Variants in ATP6V1E2 observed in about 807,000 individuals in gnomAD.
The protein encoded by ATP6V1E2 is V-type proton ATPase subunit E 2.
For missense variants in ATP6V1E2, 308 were observed against 273.3 expected, an observed-to-expected ratio of 1.13 and a Z score of -0.90; for synonymous variants, 121 against 104.2, an observed-to-expected ratio of 1.16 and a Z score of -0.98.
At chr2:46,524,854 C>G (rs1252965088) in intron 4 of ATP6V1E2, among the ~76,000 whole-genome samples, 1 of 152,102 alleles carries the variant, frequency 6.6e-6, no homozygotes, top group Non-Finnish European at 1.5e-5. Context: ...TAGAAAGACA[C>G]TGGGGTGTGA....
intron 4 of ATP6V1E2, among the ~76,000 whole-genome samples, chr2:46,515,370 A>G (rs1359224145): frequency 6.6e-6 from 1 of 152,212 alleles, no homozygotes; most frequent in East Asian, 1.9e-4. Flanking sequence ...GACATAAATA[A>G]CAATGTTGGG....
intron 4 of ATP6V1E2, among the ~76,000 whole-genome samples, chr2:46,513,361 C>T (rs1030674802): frequency 5.3e-5 from 8 of 152,164 alleles, no homozygotes; most frequent in Non-Finnish European, 1.2e-4. Flanking sequence ...AAAGAATGTT[C>T]CATGTGCACT....
At chr2:46,513,021 AAAT>A (rs1387631432) in intron 4 of ATP6V1E2, among the ~76,000 whole-genome samples, 1 of 152,346 alleles carries the variant, frequency 6.6e-6, no homozygotes, top group South Asian at 2.1e-4. Flanking sequence ...CATTGTTATC[AAAT>A]AATAATGAGG....
intron 2 of ATP6V1E2, among the ~76,000 whole-genome samples, chr2:46,538,545 T>C (rs1667562215): frequency 6.6e-6 from 1 of 151,810 alleles, no homozygotes; most frequent in Non-Finnish European, 1.5e-5. Context: ...CAGAGAACAG[T>C]TGTGCAACAG....
intron 2 of ATP6V1E2, among the ~76,000 whole-genome samples, chr2:46,538,338 AAG>A (rs1273396232): frequency 6.6e-6 from 1 of 152,206 alleles, no homozygotes; most frequent in Non-Finnish European, 1.5e-5. Context: ...ATTAGCTTTG[AAG>A]AGAGATGATT....
intron 4 of ATP6V1E2, among the ~76,000 whole-genome samples, chr2:46,522,561 G>T (rs1420925941): frequency 6.6e-6 from 1 of 152,156 alleles, no homozygotes; most frequent in African/African-American, 2.4e-5. Flanking sequence ...CCCCTGTAAA[G>T]GATATGATCT....
At chr2:46,531,210 G>A (rs1034815675) in intron 4 of ATP6V1E2, among the ~76,000 whole-genome samples, 1 of 152,128 alleles carries the variant, frequency 6.6e-6, no homozygotes, top group African/African-American at 2.4e-5. Context: ...CCAGCCCATA[G>A]CAACCACCAA....
In ATP6V1E2 at chr2:46,535,299, C is replaced by T. The variant is rs1667391109; in HGVS notation, c.-102+514G>A. On this transcript the variant is annotated intron_variant, in intron 4 of 4. Coordinates refer to ENST00000522587, the MANE Select transcript of ATP6V1E2 (RefSeq NM_001318063.2). This position sits in a 1 kb window ranked among gnomAD's most constrained non-coding sequence, Gnocchi z 4.4. ...TTGGGTATGGTAGAGGTGGAAATCT[C>T]TACTCCCTCTACATGAAGCACATTA... 1 of 152,176 alleles carries T rather than the reference C, an allele frequency of 6.6e-6. No individual in the cohort carries two copies. The highest frequency in any genetic ancestry group is 2.1e-4 in the South Asian group (1 of 4,834). The allele number at this position is 152,176 out of a possible 1,614,324, so 9.4% of individuals were successfully genotyped here. A position where few individuals can be genotyped will look rare whatever the true frequency, so the allele number is the denominator to read the frequency against.
At position 46,522,300 on chromosome 2, in the gene ATP6V1E2, A is replaced by G. The variant is rs1464246175; in HGVS notation, c.-101-9488T>C. Among the ~76,000 whole-genome samples, 7 of 141,980 alleles carry G rather than the reference A, an allele frequency of 4.9e-5. No homozygotes were observed. In the East Asian group the frequency reaches 1.3e-3, roughly 25 times the overall value. The allele number at this position is 141,980 out of a possible 152,430, so 93.1% of individuals were successfully genotyped here. A position where few individuals can be genotyped will look rare whatever the true frequency, so the allele number is the denominator to read the frequency against. Reference sequence around the variant, plus strand: ...CTCTGTCTCCAAAAAAAAAAAAAGGATAATGGCAGAACGTGCAGGTTTGTT... The same window carrying G: ...CTCTGTCTCCAAAAAAAAAAAAAGGGTAATGGCAGAACGTGCAGGTTTGTT... On this transcript the variant is annotated intron_variant, in intron 4 of 4. Coordinates refer to ENST00000522587, the MANE Select transcript of ATP6V1E2 (RefSeq NM_001318063.2).
At position 46,512,540 on chromosome 2, in the gene ATP6V1E2, C is replaced by T. The variant is rs1687514593; in HGVS notation, c.172G>A (p.Glu58Lys). 1.2e-6 allele frequency: 2 copies of T among 1,614,062 alleles called. No homozygotes were observed. The highest frequency in any genetic ancestry group is 2.7e-5 in the African/African-American group (2 of 74,914). ...TQRLKIMEYY[E>K]KKEKQIEQQK... ...TGCTCTATCTGCTTCTCCTTTTTCT[C>T]ATAATACTCCATAATCTTCAGTCGT... The change falls in exon 5 of 5, where the codon GAG becomes AAG. Residue 58 changes from glutamate (E) to lysine (K), a missense_variant. Transcript: ENST00000522587.
In ATP6V1E2 at chr2:46,542,195, A is replaced by AT. The variant is rs34450819; in HGVS notation, c.-374+21dup. ...ACCGCCACCACCCCACGCGCCTTAA[A>AT]TTTTTTTTTTTTTTTTTTTACCCTT... On this transcript the variant is annotated intron_variant, in intron 1 of 4. Coordinates refer to ENST00000522587, the MANE Select transcript of ATP6V1E2 (RefSeq NM_001318063.2). The AT allele has an allele frequency of 5.3e-3, 745 of 141,130 alleles. 7 individuals carry two copies. The highest frequency in any genetic ancestry group is 5.8e-3 in the Non-Finnish European group (374 of 64,922). The allele number at this position is 141,130 out of a possible 1,614,324, so 8.7% of individuals were successfully genotyped here.
At chr2:46,534,042 G>A (rs4952831) in intron 4 of ATP6V1E2, among the ~76,000 whole-genome samples, 31,520 of 151,860 alleles carry the variant, frequency 0.21, 3,954 homozygotes, top group Admixed American at 0.29. Context: ...AAAGTGCCTC[G>A]CTTGATATGG....
At chr2:46,516,425 A>C (rs1687712851) in intron 4 of ATP6V1E2, among the ~76,000 whole-genome samples, 1 of 152,238 alleles carries the variant, frequency 6.6e-6, no homozygotes, top group South Asian at 2.1e-4. Context: ...ATTTTTGAAC[A>C]ACCAAGGGTT....
rs1461102991 is a variant in ATP6V1E2, at chr2:46,535,102, C to T, written c.-102+711G>A. The T allele has an allele frequency of 6.6e-6, 1 of 152,214 alleles. No individual in the cohort carries two copies. The highest frequency in any genetic ancestry group is 2.4e-5 in the African/African-American group (1 of 41,456). 9.4% of individuals were successfully genotyped at this position (152,214 alleles called of 1,614,324 possible). A position where few individuals can be genotyped will look rare whatever the true frequency, so the allele number is the denominator to read the frequency against. On this transcript the variant is annotated intron_variant, in intron 4 of 4. Transcript: ENST00000522587. This position sits in a 1 kb window ranked among gnomAD's most constrained non-coding sequence, Gnocchi z 4.4. ...CCCCCTCATTGTGCTGCAATTTAGACAGCATTTTTCAGCAGAAAGTTAGAG... is the reference window on the plus strand; with the variant it reads ...CCCCCTCATTGTGCTGCAATTTAGATAGCATTTTTCAGCAGAAAGTTAGAG...
chr2:46,539,704 C>G (rs1667629153), intron 2 of ATP6V1E2, among the ~76,000 whole-genome samples: 1 of 152,244 alleles, frequency 6.6e-6, no homozygotes, highest in African/African-American at 2.4e-5. Flanking sequence ...ACATGCCTCA[C>G]CATTCCCAGG....
chr2:46,539,269 CT>C (rs1220361743), intron 2 of ATP6V1E2, among the ~76,000 whole-genome samples: 1 of 152,212 alleles, frequency 6.6e-6, no homozygotes, highest in African/African-American at 2.4e-5. Context: ...ACAGCAGATG[CT>C]CTAGAAATTT....
intron 4 of ATP6V1E2, among the ~76,000 whole-genome samples, chr2:46,528,797 G>C (rs1667048830): frequency 6.6e-6 from 1 of 152,240 alleles, no homozygotes; most frequent in African/African-American, 2.4e-5. Context: ...GAAGAGTTCT[G>C]TTGTCCTCAC....
intron 4 of ATP6V1E2, chr2:46,519,819 T>A (rs192986182): frequency 6.6e-6 from 1 of 152,360 alleles, no homozygotes; most frequent in East Asian, 1.9e-4. Context: ...TAGGCCTCAC[T>A]CTTCATCATA....
At chr2:46,513,449 G>A (rs1356837968) in intron 4 of ATP6V1E2, among the ~76,000 whole-genome samples, 3 of 152,168 alleles carry the variant, frequency 2.0e-5, no homozygotes, top group Non-Finnish European at 4.4e-5. Flanking sequence ...GGTCTATAGC[G>A]TTGTTCAAGT....
Sources: gnomAD v4.1 joint callset for allele counts (sites outside exome capture counted in the v4.1 genomes callset) on GRCh38, gnomAD v4.1.1 for gene constraint, Gnocchi (gnomAD v3.1) non-coding constraint, MANE v1.5 for transcripts, NCBI Gene and HGNC (gene_info 2026-07-23, HGNC 2026-07-21) for gene names.